Variants in FAM171A1 observed in about 807,000 individuals in gnomAD.
The protein encoded by FAM171A1 is protein FAM171A1.
FAM171A1 carries 23 observed loss-of-function variants against 74.9 expected under a neutral mutation model. The ratio of observed to expected loss-of-function variants is 0.31; its 90% CI spans 0.22 to 0.44. The LOEUF is 0.44. Ranked by LOEUF, FAM171A1 falls within the 20% of genes least tolerant of loss-of-function variation. FAM171A1 has a pLI of 1.00. For missense variants in FAM171A1, 1,162 were observed against 1,159.2 expected, an observed-to-expected ratio of 1.00 and a Z score of -0.03; for synonymous variants, 527 against 505.7, an observed-to-expected ratio of 1.04 and a Z score of -0.57.
chr10:15,323,552 C>T (rs1437929957), intron 1 of FAM171A1, among the ~76,000 whole-genome samples: 1 of 152,084 alleles, frequency 6.6e-6, no homozygotes, highest in Non-Finnish European at 1.5e-5. Context: ...ACGTTCTCTC[C>T]CCTGCAGGCA....
At chr10:15,298,765 T>C (rs941288723) in intron 1 of FAM171A1, among the ~76,000 whole-genome samples, 2 of 152,112 alleles carry the variant, frequency 1.3e-5, no homozygotes, top group Admixed American at 6.5e-5. Flanking sequence ...AATGTAAATA[T>C]GGAAAATGCA....
intron 1 of FAM171A1, among the ~76,000 whole-genome samples, chr10:15,312,591 G>A (rs1367320438): frequency 2.1e-5 from 3 of 144,880 alleles, no homozygotes; most frequent in African/African-American, 7.8e-5. Flanking sequence ...GTGCCCGGCT[G>A]CAAACTGAAC....
chr10:15,225,183 T>C (rs1834088950), intron 5 of FAM171A1, among the ~76,000 whole-genome samples: 1 of 152,198 alleles, frequency 6.6e-6, no homozygotes, highest in Admixed American at 6.5e-5. Context: ...GCGTTCCTTT[T>C]GTTTTCTTCT....
intron 1 of FAM171A1, among the ~76,000 whole-genome samples, chr10:15,338,199 G>C (rs1215429415): frequency 6.6e-6 from 1 of 152,070 alleles, no homozygotes; most frequent in Non-Finnish European, 1.5e-5. Flanking sequence ...ATTTAGTACA[G>C]GGGAAATTTA....
At chr10:15,298,092 T>A (rs1213025992) in intron 1 of FAM171A1, among the ~76,000 whole-genome samples, 3 of 152,192 alleles carry the variant, frequency 2.0e-5, no homozygotes, top group Non-Finnish European at 4.4e-5. Flanking sequence ...TCATGAGATA[T>A]ACATTTGACA....
chr10:15,266,697 T>C (rs1834746502), intron 3 of FAM171A1, among the ~76,000 whole-genome samples: 1 of 151,326 alleles, frequency 6.6e-6, no homozygotes, highest in Non-Finnish European at 1.5e-5. Flanking sequence ...GAGACCCCCG[T>C]CTCTACTAAA....
chr10:15,345,174 A>AGGG (rs1173801212), intron 1 of FAM171A1, among the ~76,000 whole-genome samples: 1 of 152,214 alleles, frequency 6.6e-6, no homozygotes, highest in African/African-American at 2.4e-5. Context: ...AGAGAAGAGA[A>AGGG]CGAAGGAAAT....
intron 2 of FAM171A1, among the ~76,000 whole-genome samples, chr10:15,280,266 G>T (rs953466868): frequency 3.9e-5 from 6 of 152,136 alleles, no homozygotes; most frequent in African/African-American, 1.4e-4. Context: ...TCATCCTGAG[G>T]CCACTGAAGA....
At chr10:15,315,857 T>A (rs573699358) in intron 1 of FAM171A1, among the ~76,000 whole-genome samples, 1 of 151,972 alleles carries the variant, frequency 6.6e-6, no homozygotes, top group Non-Finnish European at 1.5e-5. Flanking sequence ...CCCCTGACTA[T>A]CAATATAAGG....
intron 3 of FAM171A1, among the ~76,000 whole-genome samples, chr10:15,256,305 C>T (rs2131771140): frequency 6.6e-6 from 1 of 152,282 alleles, no homozygotes; most frequent in African/African-American, 2.4e-5. Flanking sequence ...ATCCACTAGC[C>T]CAAGTCTCTC....
At chr10:15,304,910 T>C (rs1437966552) in intron 1 of FAM171A1, among the ~76,000 whole-genome samples, 2 of 152,120 alleles carry the variant, frequency 1.3e-5, no homozygotes, top group Non-Finnish European at 2.9e-5. Context: ...CTAATTTTTG[T>C]ATTTAACAGA....
intron 1 of FAM171A1, among the ~76,000 whole-genome samples, chr10:15,351,595 G>GGATGGATGGATGGATC (rs58703599): frequency 3.8e-5 from 2 of 52,074 alleles, no homozygotes; most frequent in African/African-American, 1.4e-4. Flanking sequence ...ATGGATGGAT[G>GGATGGATGGATGGATC]CATGGATGGA....
chr10:15,343,672 A>G (rs1835789882), intron 1 of FAM171A1, among the ~76,000 whole-genome samples: 1 of 152,186 alleles, frequency 6.6e-6, no homozygotes, highest in South Asian at 2.1e-4. Context: ...CCGTGAGGAC[A>G]TCCAGACAAC....
intron 1 of FAM171A1, among the ~76,000 whole-genome samples, chr10:15,303,311 C>G (rs937835333): frequency 2.6e-5 from 4 of 152,092 alleles, no homozygotes; most frequent in Non-Finnish European, 5.9e-5. Context: ...AAATCACACA[C>G]GATTGAAATT....
At chr10:15,215,938 T>A (rs1383025064) in intron 7 of FAM171A1, 58 bp downstream of exon 7, 1 of 1,099,746 alleles carries the variant, frequency 9.1e-7, no homozygotes, top group African/African-American at 1.6e-5. Flanking sequence ...CTTCTAAGTA[T>A]CAATTGCCCA....
chr10:15,347,771 G>A (rs1835832966), intron 1 of FAM171A1, among the ~76,000 whole-genome samples: 1 of 138,218 alleles, frequency 7.2e-6, no homozygotes, highest in Admixed American at 8.2e-5. Flanking sequence ...GGAGGCAGAT[G>A]TTGCAGTAAG....
At chr10:15,289,566 G>A (rs1835079033) in intron 1 of FAM171A1, among the ~76,000 whole-genome samples, 1 of 152,096 alleles carries the variant, frequency 6.6e-6, no homozygotes, top group South Asian at 2.1e-4. Context: ...CTGCTGCTCA[G>A]CAACTTTACC....
At chr10:15,270,906 T>TA (rs887676850) in intron 3 of FAM171A1, among the ~76,000 whole-genome samples, 21 of 152,178 alleles carry the variant, frequency 1.4e-4, no homozygotes, top group African/African-American at 4.3e-4. Flanking sequence ...CAAAGGTAGA[T>TA]AAAACCACAA....
At chr10:15,239,444 CCA>C (rs1834335920) in intron 5 of FAM171A1, among the ~76,000 whole-genome samples, 1 of 151,942 alleles carries the variant, frequency 6.6e-6, no homozygotes, top group South Asian at 2.1e-4. Context: ...TTAGAGGCAC[CCA>C]CCACCACACC....
Sources: gnomAD v4.1 joint callset for allele counts (sites outside exome capture counted in the v4.1 genomes callset) on GRCh38, gnomAD v4.1.1 for gene constraint, MANE v1.5 for transcripts, NCBI Gene and HGNC (gene_info 2026-07-23, HGNC 2026-07-21) for gene names.